The following IQGAP2 variants were observed in gnomAD, a reference collection of about 807,000 sequenced individuals.
IQGAP2 encodes IQ motif containing GTPase activating protein 2.
In IQGAP2, 173 loss-of-function variants were observed where a neutral mutation model predicts 201.3. The ratio of observed to expected loss-of-function variants is 0.86; its 90% CI spans 0.76 to 0.98. IQGAP2 has a LOEUF of 0.98. Among genes scored for constraint, IQGAP2 ranks in the 50% least tolerant of loss-of-function variants. IQGAP2 has a pLI of 0.00. For missense variants in IQGAP2, 1,687 were observed against 1,864.8 expected, an observed-to-expected ratio of 0.90 and a Z score of 1.76; for synonymous variants, 675 against 673.9, an observed-to-expected ratio of 1.00 and a Z score of -0.03.
intron 11 of IQGAP2, among the ~76,000 whole-genome samples, chr5:76,601,348 A>G (rs1272313937): frequency 6.6e-6 from 1 of 152,236 alleles, no homozygotes; most frequent in African/African-American, 2.4e-5. Flanking sequence ...TATGTCACTG[A>G]TGCAGAAACA....
chr5:76,467,602 A>G (rs1459751669), intron 2 of IQGAP2, among the ~76,000 whole-genome samples: 1 of 152,196 alleles, frequency 6.6e-6, no homozygotes, highest in African/African-American at 2.4e-5. Context: ...AATTAAACAG[A>G]GTTACCATAT....
Position 76,561,985 on chromosome 5 carries a change from T to C in IQGAP2, c.147-411T>C, listed in dbSNP as rs574354359. 2.6e-5 allele frequency among the ~76,000 whole-genome samples: 4 copies of C among 152,346 alleles called. No homozygotes were observed. The South Asian group carries it at 8.3e-4, about 32-fold the overall frequency. On this transcript the variant is annotated intron_variant, in intron 2 of 35. Coordinates refer to ENST00000274364, the MANE Select transcript of IQGAP2 (RefSeq NM_006633.5). ...GCAGATTTTATAGTACTTGGGACTA[T>C]GCACTCCCTAAGGCACAGACCGTAT...
At position 76,702,523 on chromosome 5, in the gene IQGAP2, T is replaced by A. The variant is rs547415830; in HGVS notation, c.4547T>A (p.Val1516Glu). The A allele has an allele frequency of 6.3e-7, 1 of 1,596,712 alleles. No individual in the cohort carries two copies. The highest frequency in any genetic ancestry group is 8.6e-7 in the Non-Finnish European group (1 of 1,164,154). ...VTFDIIATED[V>E]GIFDVRSKFL... ...TTTGATATCATAGCTACTGAAGATG[T>A]AGGCATTTTCGATGTAAGATCAAAA... The change falls in exon 35 of 36, where the codon GTA becomes GAA. Residue 1516 changes from valine (V) to glutamate (E), a missense_variant. Coordinates refer to ENST00000274364, the MANE Select transcript of IQGAP2 (RefSeq NM_006633.5).
intron 28 of IQGAP2, among the ~76,000 whole-genome samples, chr5:76,679,088 C>T (rs938591480): frequency 2.9e-4 from 44 of 152,190 alleles, no homozygotes; most frequent in African/African-American, 6.0e-4. Flanking sequence ...GAGCAATGAC[C>T]CATTTGTCTG....
intron 2 of IQGAP2, among the ~76,000 whole-genome samples, chr5:76,537,021 T>G (rs181656108): frequency 4.3e-4 from 66 of 152,366 alleles, no homozygotes; most frequent in African/African-American, 1.5e-3. Context: ...CATTTTCATT[T>G]GTAATAAGTT....
chr5:76,562,364 T>C, intron 2 of IQGAP2, 32 bp from the exon 3 acceptor site: 1 of 1,537,372 alleles, frequency 6.5e-7, no homozygotes, highest in South Asian at 1.2e-5. Context: ...CCAACTGGAA[T>C]CACTTTAATA....
intron 13 of IQGAP2, among the ~76,000 whole-genome samples, chr5:76,619,963 G>C (rs1440855488): frequency 6.6e-6 from 1 of 152,094 alleles, no homozygotes; most frequent in African/African-American, 2.4e-5. Context: ...ATGGAAGAAA[G>C]GGTCATAACC....
chr5:76,564,554 C>T (rs1744606889), intron 3 of IQGAP2, among the ~76,000 whole-genome samples: 1 of 152,236 alleles, frequency 6.6e-6, no homozygotes, highest in South Asian at 2.1e-4. Context: ...GAGTGTCCTT[C>T]CTGACCAGCT....
At position 76,414,610 on chromosome 5, in the gene IQGAP2, C is replaced by T. The variant is rs144371423; in HGVS notation, c.46+11019C>T. Among the ~76,000 whole-genome samples, 364 of 152,246 alleles carry T rather than the reference C, an allele frequency of 2.4e-3. 1 individual carries two copies. Among genetic ancestry groups the T allele is most frequent in the African/African-American group, 7.9e-3 (330 of 41,542 alleles). ...CTAAGGCAGGAGGATTGCTTAAGGC[C>T]AGGAGTTCAAGACCATCTGGGCAAC... On this transcript the variant is annotated intron_variant, in intron 1 of 35. Coordinates refer to ENST00000274364, the MANE Select transcript of IQGAP2 (RefSeq NM_006633.5).
Position 76,513,536 on chromosome 5 carries a change from A to G in IQGAP2, c.147-48860A>G, listed in dbSNP as rs189723087. Among the ~76,000 whole-genome samples the G allele has an allele frequency of 2.6e-5, 4 of 152,344 alleles. No individual in the cohort carries two copies. In the East Asian group the frequency reaches 7.7e-4, roughly 29 times the overall value. On this transcript the variant is annotated intron_variant, in intron 2 of 35. Transcript: ENST00000274364. The stretch of plus-strand genomic sequence containing the variant: ...TCAGTAACTTCCCATGTTCCATATA[A>G]GCCACAGAAATATTGATTTGCCACA...
chr5:76,615,060 G>C (rs907271906), intron 13 of IQGAP2, among the ~76,000 whole-genome samples: 2 of 152,064 alleles, frequency 1.3e-5, no homozygotes, highest in African/African-American at 4.8e-5. Flanking sequence ...TTTGCCTCTT[G>C]GAAAGAGACT....
rs1747508502 is a variant in IQGAP2 at position 76,702,643 on chromosome 5, A to G, written c.4614+53A>G. On this transcript the variant is annotated intron_variant, in intron 35 of 35. Transcript: ENST00000274364. The stretch of plus-strand genomic sequence containing the variant: ...ATGATAAATTTTATATGTGGATCAT[A>G]CATTGCTACCCTGGCTCTCTCTCTT... The G allele has an allele frequency of 9.5e-6, 8 of 840,238 alleles. No individual in the cohort carries two copies. The Admixed American group carries it at 1.2e-4, about 13-fold the overall frequency. The allele number at this position is 840,238 out of a possible 1,614,324, so 52.0% of individuals were successfully genotyped here.
At chr5:76,431,627 A>G (rs1752371542) in intron 1 of IQGAP2, among the ~76,000 whole-genome samples, 1 of 152,146 alleles carries the variant, frequency 6.6e-6, no homozygotes, top group African/African-American at 2.4e-5. Context: ...GATTGAGACC[A>G]TCCTGGCCAA....
intron 21 of IQGAP2, among the ~76,000 whole-genome samples, chr5:76,660,730 T>C (rs1743174380): frequency 1.3e-5 from 2 of 152,222 alleles, no homozygotes; most frequent in East Asian, 3.9e-4. Context: ...CAGCATTTTT[T>C]AGCGGTTAAA....
chr5:76,620,424 T>G (rs1749532561), intron 13 of IQGAP2, among the ~76,000 whole-genome samples: 1 of 151,984 alleles, frequency 6.6e-6, no homozygotes, highest in Non-Finnish European at 1.5e-5. Flanking sequence ...TGACTCAGGT[T>G]TCTACTCTAG....
At chr5:76,452,215 C>T (rs540288829) in intron 1 of IQGAP2, among the ~76,000 whole-genome samples, 5 of 147,982 alleles carry the variant, frequency 3.4e-5, no homozygotes, top group African/African-American at 4.9e-5. Context: ...ACGCCCAGCC[C>T]TTGTTTTTTT....
At chr5:76,689,230 T>TAA (rs11424254) in intron 30 of IQGAP2, among the ~76,000 whole-genome samples, 2,282 of 86,430 alleles carry the variant, frequency 0.026, 122 homozygotes, top group African/African-American at 0.035. Context: ...CAGGGATATT[T>TAA]AAAAAAAAAA....
At chr5:76,538,704 C>G (rs1394586201) in intron 2 of IQGAP2, among the ~76,000 whole-genome samples, 1 of 152,172 alleles carries the variant, frequency 6.6e-6, no homozygotes, top group Non-Finnish European at 1.5e-5. Flanking sequence ...CCCTTCCAGT[C>G]TCTGAATGGT....
intron 17 of IQGAP2, among the ~76,000 whole-genome samples, chr5:76,652,082 G>C (rs1752560866): frequency 6.6e-6 from 1 of 152,190 alleles, no homozygotes; most frequent in South Asian, 2.1e-4. Flanking sequence ...GGAATAAACT[G>C]TAACAGTTAT....
Sources: allele counts gnomAD v4.1 joint callset (sites outside exome capture counted in the v4.1 genomes callset), GRCh38; gene constraint gnomAD v4.1.1; transcripts MANE v1.5; gene names NCBI Gene and HGNC (gene_info 2026-07-23, HGNC 2026-07-21).